Variants in RNFT2 observed in about 807,000 individuals in gnomAD.
The protein encoded by RNFT2 is E3 ubiquitin-protein ligase RNFT2.
RNFT2 carries 36 observed loss-of-function variants against 53.0 expected under a neutral mutation model. The observed-to-expected ratio is 0.68, with a 90% CI of 0.52 to 0.90. The LOEUF (loss-of-function observed/expected upper bound fraction) is 0.90, where lower values mean the gene tolerates loss of function less well. Ranked by LOEUF, RNFT2 falls within the 40% of genes least tolerant of loss-of-function variation. RNFT2 has a pLI of 0.00. For synonymous variants in RNFT2, 260 were observed against 253.2 expected, an observed-to-expected ratio of 1.03 and a Z score of -0.26; for missense variants, 514 against 585.6, an observed-to-expected ratio of 0.88 and a Z score of 1.26.
At chr12:116,747,421 A>G in intron 3 of RNFT2, among the ~76,000 whole-genome samples, 1 of 151,936 alleles carries the variant, frequency 6.6e-6, no homozygotes, top group East Asian at 1.9e-4. Flanking sequence ...AATCCCAGCT[A>G]CTCAGGAGGC....
intron 7 of RNFT2, among the ~76,000 whole-genome samples, chr12:116,800,469 TA>T (rs1363438764): frequency 1.4e-5 from 2 of 144,164 alleles, no homozygotes; most frequent in Non-Finnish European, 3.0e-5. Flanking sequence ...TTTTCTCTAC[TA>T]TAAATATAAA....
At chr12:116,788,861 G>C (rs375803308) in intron 7 of RNFT2, among the ~76,000 whole-genome samples, 4 of 140,556 alleles carry the variant, frequency 2.8e-5, no homozygotes, top group Admixed American at 1.4e-4. Context: ...AATGGGAGGA[G>C]AGTGGATGGA....
intron 3 of RNFT2, chr12:116,748,565 G>C (rs1313181779): frequency 4.9e-5 from 17 of 348,640 alleles, no homozygotes; most frequent in Non-Finnish European, 8.8e-5. Flanking sequence ...TGAGTGCAGA[G>C]GTATAAGGCC....
intron 10 of RNFT2, among the ~76,000 whole-genome samples, chr12:116,842,630 G>A (rs1258446203): frequency 1.3e-5 from 2 of 152,134 alleles, no homozygotes; most frequent in African/African-American, 4.8e-5. Context: ...CTAGAGTGCA[G>A]TGGCATGGTC....
chr12:116,751,467 G>A (rs375215754), intron 4 of RNFT2, among the ~76,000 whole-genome samples: 20 of 151,968 alleles, frequency 1.3e-4, no homozygotes, highest in East Asian at 2.0e-4. Flanking sequence ...GCAATGGCGC[G>A]ACCTCTGCTC....
Position 116,852,429 on chromosome 12 carries a change from T to TAGAC in RNFT2, c.*2981_*2982insAGAC. 7.2e-7 allele frequency: 1 copy of TAGAC among 1,383,134 alleles called. No individual in the cohort carries two copies. The highest frequency in any genetic ancestry group is 9.4e-7 in the Non-Finnish European group (1 of 1,067,524). The allele number at this position is 1,383,134 out of a possible 1,614,324, so 85.7% of individuals were successfully genotyped here. A position where few individuals can be genotyped will look rare whatever the true frequency, so the allele number is the denominator to read the frequency against. On this transcript the variant is annotated 3_prime_UTR_variant, in exon 11 of 11. Transcript: ENST00000257575. ...CTCTCCTGGTACCCAGCAAGACGTC[T>TAGAC]GTTCCAGGGCAGTGTAGCATCTTTC... is the stretch of plus-strand genomic sequence containing the variant.
chr12:116,795,769 G>A (rs1874475138), intron 7 of RNFT2, among the ~76,000 whole-genome samples: 1 of 152,158 alleles, frequency 6.6e-6, no homozygotes, highest in Admixed American at 6.5e-5. Context: ...CCTGTTCAGG[G>A]AGACAGCACT....
intron 7 of RNFT2, among the ~76,000 whole-genome samples, chr12:116,791,695 G>C (rs1301344163): frequency 6.6e-6 from 1 of 152,206 alleles, no homozygotes; most frequent in East Asian, 1.9e-4. Flanking sequence ...TGGACATCTA[G>C]GCTGTTTTTG....
At chr12:116,757,199 A>G (rs1872542886) in intron 5 of RNFT2, among the ~76,000 whole-genome samples, 1 of 151,988 alleles carries the variant, frequency 6.6e-6, no homozygotes, top group Non-Finnish European at 1.5e-5. Flanking sequence ...TAGTGAGGTC[A>G]TTGGATTTTC....
At chr12:116,841,509 AG>A (rs1877245884) in intron 10 of RNFT2, among the ~76,000 whole-genome samples, 1 of 151,188 alleles carries the variant, frequency 6.6e-6, no homozygotes, top group Non-Finnish European at 1.5e-5. Context: ...GCACTTTGGG[AG>A]GGTGAGGCAG....
At position 116,850,353 on chromosome 12, in the gene RNFT2, G is replaced by A. The variant is rs932200059; in HGVS notation, c.*905G>A. The A allele has an allele frequency of 5.3e-5, 8 of 149,792 alleles. No homozygotes were observed. Among genetic ancestry groups the A allele is most frequent in the South Asian group, 2.1e-4 (1 of 4,730 alleles). The allele number at this position is 149,792 out of a possible 1,614,324, so 9.3% of individuals were successfully genotyped here. ...TTTTTTTTTAATTTTTAGTAGAGGCGAGGACTTATTATGTTGTCCAGGGTG... is the reference window on the plus strand; with the variant it reads ...TTTTTTTTTAATTTTTAGTAGAGGCAAGGACTTATTATGTTGTCCAGGGTG... On this transcript the variant is annotated 3_prime_UTR_variant, in exon 11 of 11. Transcript: ENST00000257575.
rs1203057986 is a variant in RNFT2, at chr12:116,852,706, T to G, written c.*3258T>G. 5 of 1,613,706 alleles carry G rather than the reference T, an allele frequency of 3.1e-6. No homozygotes were observed. In the Admixed American group the frequency reaches 8.3e-5, roughly 27 times the overall value. On this transcript the variant is annotated 3_prime_UTR_variant, in exon 11 of 11. Transcript: ENST00000257575. The stretch of plus-strand genomic sequence containing the variant: ...TGGAGAAGATTGATGAAAGTGCAGG[T>G]GTGTAAGGAAATAGAACAGTCTGCT...
rs945275289 is a variant in RNFT2 at position 116,849,353 on chromosome 12, C to G, written c.1240C>G (p.Arg414Gly). ...GGAGTGCCTCTGCCTGTGGCTGGAC[C>G]GTGAGCGCACCTGCCCGCTCTGCCG... ...CEECLCLWLD[R>G]ERTCPLCRSV... Residue 414 changes from arginine (R) to glycine (G), a missense_variant, in exon 11 of 11, where the codon CGT (arginine) becomes GGT (glycine). Arg to Gly is a moderately radical substitution (Grantham distance 125, BLOSUM62 -2). Around this residue, in one of 3 missense-constraint regions of RNFT2, gnomAD observed 273 missense variants for 334.4 expected, o/e 0.82. Coordinates refer to ENST00000257575, the MANE Select transcript of RNFT2 (RefSeq NM_001382266.1). 5 of 1,545,382 alleles carry G rather than the reference C, an allele frequency of 3.2e-6. No homozygotes were observed. The highest frequency in any genetic ancestry group is 4.4e-6 in the Non-Finnish European group (5 of 1,148,400).
At position 116,750,871 on chromosome 12, in the gene RNFT2, AATATATATATTATATATATAAT is replaced by A. The variant is rs1566069470; in HGVS notation, c.550+575_550+596del. Reference sequence around the variant, plus strand: ...TATATAATATATATTATATATATATAATATATATATTATATATATAATATATATATATATATATTTTTTTTTG... The same window carrying A: ...TATATAATATATATTATATATATATAATATATATATATATATTTTTTTTTG... On this transcript the variant is annotated intron_variant, in intron 4 of 10. Coordinates refer to ENST00000257575, the MANE Select transcript of RNFT2 (RefSeq NM_001382266.1). Among the ~76,000 whole-genome samples the A allele has an allele frequency of 3.3e-3, 11 of 3,346 alleles. No homozygotes were observed. The East Asian group carries it at 0.15, about 46-fold the overall frequency. The allele number at this position is 3,346 out of a possible 152,430, so 2.2% of individuals were successfully genotyped here. A position where few individuals can be genotyped will look rare whatever the true frequency, so the allele number is the denominator to read the frequency against.
intron 6 of RNFT2, among the ~76,000 whole-genome samples, chr12:116,778,589 G>A (rs1405243150): frequency 6.6e-6 from 1 of 152,260 alleles, no homozygotes; most frequent in African/African-American, 2.4e-5. Context: ...AGTGGCTTAC[G>A]CCTGTATCCC....
intron 3 of RNFT2, among the ~76,000 whole-genome samples, chr12:116,741,492 C>T (rs924348863): frequency 6.6e-6 from 1 of 152,196 alleles, no homozygotes; most frequent in African/African-American, 2.4e-5. Flanking sequence ...GGCCCACTTT[C>T]TGGTTCACTG....
intron 5 of RNFT2, chr12:116,755,920 A>C (rs1375829903): frequency 5.3e-6 from 6 of 1,129,178 alleles, no homozygotes; most frequent in Non-Finnish European, 7.9e-6. Context: ...AAAGGAAAAG[A>C]TATGTCCTTA....
In RNFT2 at chr12:116,768,337, G is replaced by A. The variant is rs540298976; in HGVS notation, c.728+1423G>A. 3.3e-5 allele frequency among the ~76,000 whole-genome samples: 5 copies of A among 151,920 alleles called. No homozygotes were observed. The South Asian group carries it at 1.0e-3, about 32-fold the overall frequency. ...GCTGGTCTCGAACTCCTGACCTCAG[G>A]TGATCCGCCGGCCTTGGCCTCCCAA... On this transcript the variant is annotated intron_variant, in intron 6 of 10. Coordinates refer to ENST00000257575, the MANE Select transcript of RNFT2 (RefSeq NM_001382266.1).
chr12:116,778,244 T>C (rs1873523991), intron 6 of RNFT2, among the ~76,000 whole-genome samples: 1 of 152,134 alleles, frequency 6.6e-6, no homozygotes, highest in Non-Finnish European at 1.5e-5. Flanking sequence ...ATGTTGAAAT[T>C]TGATCCCCAA....
Sources: allele counts gnomAD v4.1 joint callset (sites outside exome capture counted in the v4.1 genomes callset), GRCh38; gene constraint gnomAD v4.1.1; regional missense constraint gnomAD v4.1.1; transcripts MANE v1.5; gene names NCBI Gene and HGNC (gene_info 2026-07-23, HGNC 2026-07-21).